SHC3: variants seen among roughly 807,000 people sequenced by gnomAD.
The protein encoded by SHC3 is SHC-transforming protein 3.
Under a neutral mutation model 60.4 loss-of-function variants are expected in SHC3, and 15 were observed. That is an observed-to-expected ratio of 0.25 (90% CI 0.17 to 0.38). The LOEUF (loss-of-function observed/expected upper bound fraction) is 0.38. Ranked by LOEUF, SHC3 falls within the 10% of genes least tolerant of loss-of-function variation. The pLI, the probability that SHC3 is intolerant of heterozygous loss-of-function variation, is 1.00. For synonymous variants in SHC3, 294 were observed against 325.9 expected, an observed-to-expected ratio of 0.90 and a Z score of 1.05; for missense variants, 677 against 786.1, an observed-to-expected ratio of 0.86 and a Z score of 1.66.
intron 1 of SHC3, among the ~76,000 whole-genome samples, chr9:89,166,676 G>A (rs996412936): frequency 6.6e-6 from 1 of 152,152 alleles, no homozygotes. Flanking sequence ...ACTGGGAGAA[G>A]CCGATCACTG....
At chr9:89,170,896 G>A (rs1262605351) in intron 1 of SHC3, among the ~76,000 whole-genome samples, 1 of 152,160 alleles carries the variant, frequency 6.6e-6, no homozygotes, top group Non-Finnish European at 1.5e-5. Context: ...TACTGCACCA[G>A]TTTATATCAG....
chr9:89,067,345 T>C (rs1407827130), intron 5 of SHC3, among the ~76,000 whole-genome samples: 1 of 152,198 alleles, frequency 6.6e-6, no homozygotes, highest in Admixed American at 6.5e-5. Context: ...AGGTGTCTTC[T>C]CCAGTGTTTG....
intron 11 of SHC3, among the ~76,000 whole-genome samples, chr9:89,031,971 G>A (rs557400726): frequency 1.3e-5 from 2 of 152,262 alleles, no homozygotes; most frequent in South Asian, 4.1e-4. Flanking sequence ...GAGAGCCCAC[G>A]AGTTTCCTCC....
intron 2 of SHC3, among the ~76,000 whole-genome samples, chr9:89,100,887 C>T (rs1040403659): frequency 7.9e-5 from 12 of 152,130 alleles, no homozygotes; most frequent in African/African-American, 2.9e-4. Flanking sequence ...TCTCTTTGAA[C>T]TGATTTTCAA....
At chr9:89,079,687 T>G (rs1825415669) in intron 2 of SHC3, among the ~76,000 whole-genome samples, 1 of 152,202 alleles carries the variant, frequency 6.6e-6, no homozygotes, top group South Asian at 2.1e-4. Flanking sequence ...GCATCACCAG[T>G]TAGAAGGAAT....
chr9:89,112,956 A>C (rs376041063), intron 1 of SHC3, among the ~76,000 whole-genome samples: 7 of 152,280 alleles, frequency 4.6e-5, no homozygotes, highest in East Asian at 3.9e-4. Context: ...TAATTCAATG[A>C]TTGTTTAAAC....
chr9:89,098,606 C>G (rs569808724), intron 2 of SHC3, among the ~76,000 whole-genome samples: 1 of 152,126 alleles, frequency 6.6e-6, no homozygotes, highest in African/African-American at 2.4e-5. Flanking sequence ...ATCAGGAGAT[C>G]GAGACCATCC....
At chr9:89,087,961 C>A (rs1418051603) in intron 2 of SHC3, among the ~76,000 whole-genome samples, 1 of 152,186 alleles carries the variant, frequency 6.6e-6, no homozygotes, top group African/African-American at 2.4e-5. Flanking sequence ...AATTACATTT[C>A]TAGGACATAT....
chr9:89,119,554 T>C (rs1016455940), intron 1 of SHC3, among the ~76,000 whole-genome samples: 6 of 151,958 alleles, frequency 3.9e-5, no homozygotes, highest in African/African-American at 1.5e-4. Context: ...CGAAAAAACA[T>C]AAAATGAATT....
At chr9:89,164,137 T>C (rs1826750955) in intron 1 of SHC3, among the ~76,000 whole-genome samples, 1 of 152,142 alleles carries the variant, frequency 6.6e-6, no homozygotes, top group Admixed American at 6.5e-5. Flanking sequence ...GCCACACACA[T>C]GTAAGCCCAC....
intron 1 of SHC3, among the ~76,000 whole-genome samples, chr9:89,135,144 G>C (rs1826300465): frequency 6.6e-6 from 1 of 152,148 alleles, no homozygotes; most frequent in Non-Finnish European, 1.5e-5. Flanking sequence ...TAGAGAAACT[G>C]GTTATTTTAC....
intron 1 of SHC3, among the ~76,000 whole-genome samples, chr9:89,173,937 GA>G (rs1349456743): frequency 1.3e-5 from 2 of 151,910 alleles, no homozygotes; most frequent in South Asian, 2.1e-4. Flanking sequence ...AGAATTTTGA[GA>G]AAAAAATCAA....
At position 89,038,100 on chromosome 9, in the gene SHC3, C is replaced by T. The variant is rs756456873; in HGVS notation, c.1549G>A (p.Gly517Arg). 9.9e-6 allele frequency: 16 copies of T among 1,613,950 alleles called. No homozygotes were observed. Among genetic ancestry groups the T allele is most frequent in the South Asian group, 1.1e-5 (1 of 91,090 alleles). The part of the protein sequence containing the change: ...KEAEGLLEKD[G>R]DFLVRKSTTN... ...GTGCTCTTCCTGACCAGGAAGTCTC[C>T]GTCTTTCTCCAGCAGCCCCTCTGCC... Residue 517 changes from glycine (G) to arginine (R), a missense_variant, in exon 11 of 12, where the codon GGA becomes AGA. Physicochemically the swap from Gly to Arg is moderately radical, Grantham distance 125. Coordinates refer to ENST00000375835, the MANE Select transcript of SHC3 (RefSeq NM_016848.6).
chr9:89,125,187 C>A (rs1294956759), intron 1 of SHC3, among the ~76,000 whole-genome samples: 1 of 152,130 alleles, frequency 6.6e-6, no homozygotes, highest in East Asian at 1.9e-4. Context: ...TTGTTAAGAA[C>A]ACAAACCCCA....
intron 3 of SHC3, among the ~76,000 whole-genome samples, chr9:89,075,748 C>G (rs1470551356): frequency 6.6e-6 from 1 of 152,222 alleles, no homozygotes; most frequent in African/African-American, 2.4e-5. Context: ...AACACTCTCC[C>G]TGGTCAAGGT....
At chr9:89,051,554 A>G (rs1304966209) in intron 7 of SHC3, among the ~76,000 whole-genome samples, 1 of 152,260 alleles carries the variant, frequency 6.6e-6, no homozygotes, top group Non-Finnish European at 1.5e-5. Flanking sequence ...TGGAAGGTAA[A>G]CAAACTACCA....
At chr9:89,169,241 T>A (rs1564195329) in intron 1 of SHC3, among the ~76,000 whole-genome samples, 2 of 152,104 alleles carry the variant, frequency 1.3e-5, no homozygotes, top group Non-Finnish European at 2.9e-5. Context: ...TTGAGAGGTG[T>A]GACTCCCACC....
At chr9:89,021,718 C>G (rs1384046559) in intron 11 of SHC3, among the ~76,000 whole-genome samples, 2 of 152,200 alleles carry the variant, frequency 1.3e-5, no homozygotes, top group African/African-American at 4.8e-5. Context: ...CAGTAGAACA[C>G]AGTGCTAGGA....
rs771029388 is a variant in SHC3, at chr9:89,052,037, C to T, written c.962G>A (p.Arg321Gln). The stretch of plus-strand genomic sequence containing the variant: ...CAAATGGTGTCACAGCACTACTCAC[C>T]GATCATGGAGAGCGGGAATCTTGGT... ...CPTKIPALHDRMQSLDEPWTE... is the reference protein window; with the variant it reads ...CPTKIPALHDQMQSLDEPWTE... The change falls in exon 7 of 12, where the codon CGA (arginine) becomes CAA (glutamine). Residue 321 changes from arginine to glutamine, a missense_variant and splice_region_variant. Physicochemically the swap from Arg to Gln is conservative, Grantham distance 43. Coordinates refer to ENST00000375835, the MANE Select transcript of SHC3 (RefSeq NM_016848.6). 44 of 1,613,174 alleles carry T rather than the reference C, an allele frequency of 2.7e-5. No individual in the cohort carries two copies. The highest frequency in any genetic ancestry group is 2.3e-4 in the South Asian group (21 of 91,038).
Sources: allele counts gnomAD v4.1 joint callset (sites outside exome capture counted in the v4.1 genomes callset), GRCh38; gene constraint gnomAD v4.1.1; transcripts MANE v1.5; gene names NCBI Gene and HGNC (gene_info 2026-07-23, HGNC 2026-07-21).